MROH2B: variants seen among roughly 807,000 people sequenced by gnomAD.
The protein encoded by MROH2B is maestro heat-like repeat-containing protein family member 2B.
MROH2B carries 177 observed loss-of-function variants against 208.6 expected under a neutral mutation model. The ratio of observed to expected loss-of-function variants is 0.85; its 90% CI spans 0.75 to 0.96. The LOEUF is 0.96. MROH2B is among the 40% of genes least tolerant of loss of function. The probability of loss-of-function intolerance (pLI) is 0.00; values close to 1 mark genes in which losing one functional copy is unlikely to be tolerated. For missense variants in MROH2B, 2,002 were observed against 1,878.7 expected, an observed-to-expected ratio of 1.07 and a Z score of -1.21; for synonymous variants, 728 against 659.0, an observed-to-expected ratio of 1.10 and a Z score of -1.60.
At chr5:41,007,558 AC>A in intron 33 of MROH2B, 104 bp from the exon 34 acceptor site, 1 of 1,100,406 alleles carries the variant, frequency 9.1e-7, no homozygotes, top group Non-Finnish European at 1.2e-6. Context: ...CCACCCCTGG[AC>A]TAGGGGATGT....
chr5:41,065,221 T>G, intron 4 of MROH2B, 110 bp downstream of exon 4: 1 of 1,096,558 alleles, frequency 9.1e-7, no homozygotes, highest in South Asian at 1.7e-5. Context: ...TATTTCTTGG[T>G]ACAGAAGAAG....
chr5:41,022,168 G>C (rs1024504312), intron 24 of MROH2B, among the ~76,000 whole-genome samples: 2 of 152,168 alleles, frequency 1.3e-5, no homozygotes, highest in Admixed American at 6.5e-5. Flanking sequence ...TGAGGTACCA[G>C]GTACATCTCA....
At chr5:41,053,817 A>C (rs371854130) in intron 11 of MROH2B, among the ~76,000 whole-genome samples, 18 of 152,276 alleles carry the variant, frequency 1.2e-4, no homozygotes, top group African/African-American at 4.3e-4. Context: ...TTACTATTTT[A>C]AACATAGTCA....
At chr5:41,036,358 G>A (rs1317483126) in intron 21 of MROH2B, among the ~76,000 whole-genome samples, 3 of 152,100 alleles carry the variant, frequency 2.0e-5, no homozygotes, top group African/African-American at 7.2e-5. Flanking sequence ...CTCTTCTCTT[G>A]TCTGCTGCCA....
chr5:41,015,246 G>A, intron 29 of MROH2B, 135 bp downstream of exon 29: 1 of 702,712 alleles, frequency 1.4e-6, no homozygotes, highest in East Asian at 2.8e-5. Flanking sequence ...TGTACTCTAA[G>A]TTAGAAAATG....
In MROH2B at chr5:41,009,851, C is replaced by A. The variant is rs530855194; in HGVS notation, c.3293+71G>T. 5 of 1,471,534 alleles carry A rather than the reference C, an allele frequency of 3.4e-6. No homozygotes were observed. In the South Asian group the frequency reaches 4.4e-5, roughly 13 times the overall value. The allele number at this position is 1,471,534 out of a possible 1,614,324, so 91.2% of individuals were successfully genotyped here. A position where few individuals can be genotyped will look rare whatever the true frequency, so the allele number is the denominator to read the frequency against. On this transcript the variant is annotated intron_variant, in intron 31 of 41. Transcript: ENST00000399564. Reference sequence around the variant, plus strand: ...TTTGTTTGCTATCTTGCTCTCAAACCGTAAATCCCTCCCCAGTGCCTTTCA... The same window carrying A: ...TTTGTTTGCTATCTTGCTCTCAAACAGTAAATCCCTCCCCAGTGCCTTTCA...
intron 27 of MROH2B, 120 bp from the exon 28 acceptor site, chr5:41,018,090 A>G: frequency 7.4e-7 from 1 of 1,354,310 alleles, no homozygotes. Context: ...ATGAAATTTG[A>G]TCTTGCACTT....
intron 24 of MROH2B, among the ~76,000 whole-genome samples, chr5:41,022,589 G>T (rs1036576425): frequency 1.3e-5 from 2 of 152,204 alleles, no homozygotes; most frequent in African/African-American, 4.8e-5. Flanking sequence ...AGCTCAAGGA[G>T]GCCTGCCTGC....
Position 41,071,200 on chromosome 5 carries a change from G to T in MROH2B, c.-348C>A, listed in dbSNP as rs1052493486. 2 of 250,976 alleles carry T rather than the reference G, an allele frequency of 8.0e-6. No individual in the cohort carries two copies. Among genetic ancestry groups the T allele is most frequent in the African/African-American group, 2.2e-5 (1 of 44,926 alleles). The allele number at this position is 250,976 out of a possible 1,614,324, so 15.5% of individuals were successfully genotyped here. A position where few individuals can be genotyped will look rare whatever the true frequency, so the allele number is the denominator to read the frequency against. ...ATTCAAACCATTGTTGCAGACCAAAGGTGCTCCTCTCCCTAAACTTGAGTC... is the reference window on the plus strand; with the variant it reads ...ATTCAAACCATTGTTGCAGACCAAATGTGCTCCTCTCCCTAAACTTGAGTC... On this transcript the variant is annotated 5_prime_UTR_variant, in exon 1 of 42. Coordinates refer to ENST00000399564, the MANE Select transcript of MROH2B (RefSeq NM_173489.5).
chr5:41,006,766 A>T (rs1741606673), intron 34 of MROH2B, among the ~76,000 whole-genome samples: 1 of 152,172 alleles, frequency 6.6e-6, no homozygotes, highest in African/African-American at 2.4e-5. Flanking sequence ...GTTCTGTCTC[A>T]TATGTGGGAG....
intron 7 of MROH2B, among the ~76,000 whole-genome samples, chr5:41,057,822 G>A (rs1226882797): frequency 6.6e-6 from 1 of 151,774 alleles, no homozygotes; most frequent in African/African-American, 2.4e-5. Flanking sequence ...GCCTCGCAAA[G>A]TGCTGAAATT....
At chr5:41,052,326 T>A in intron 12 of MROH2B, 139 bp downstream of exon 12, 1 of 779,736 alleles carries the variant, frequency 1.3e-6, no homozygotes. Flanking sequence ...TTATTTTTAA[T>A]TTTTTTAAAA....
intron 6 of MROH2B, 140 bp downstream of exon 6, chr5:41,061,430 A>G: frequency 1.3e-6 from 1 of 745,920 alleles, no homozygotes; most frequent in Non-Finnish European, 2.0e-6. Flanking sequence ...GGTGGGAAAA[A>G]AGAAAAAATT....
At chr5:41,049,599 C>G (rs1743226581) in intron 13 of MROH2B, among the ~76,000 whole-genome samples, 163 bp from the exon 14 acceptor site, 1 of 152,212 alleles carries the variant, frequency 6.6e-6, no homozygotes, top group African/African-American at 2.4e-5. Flanking sequence ...CTCTGCACAG[C>G]ACATTGATTT....
intron 21 of MROH2B, 117 bp downstream of exon 21, chr5:41,038,619 G>T (rs1478592748): frequency 1.0e-6 from 1 of 974,370 alleles, no homozygotes; most frequent in East Asian, 2.6e-5. Flanking sequence ...CTGTTTTCAC[G>T]TGGCTGATAA....
chr5:41,069,756 A>C lies in MROH2B; in HGVS notation c.29-4T>G. ...AGGTTAATATCCCCAAACATCTCTA[A>C]AACGTACAGAAAAATATGAATTGAA... is the stretch of plus-strand genomic sequence containing the variant. On this transcript the variant is annotated splice_region_variant and splice_polypyrimidine_tract_variant and intron_variant, in intron 1 of 41. Transcript: ENST00000399564. The C allele has an allele frequency of 3.1e-6, 5 of 1,587,462 alleles. No homozygotes were observed. The highest frequency in any genetic ancestry group is 2.6e-6 in the Non-Finnish European group (3 of 1,160,350).
intron 4 of MROH2B, 63 bp from the exon 5 acceptor site, chr5:41,064,633 C>T: frequency 7.9e-7 from 1 of 1,268,454 alleles, no homozygotes; most frequent in East Asian, 2.4e-5. Flanking sequence ...GGTTCTGTGA[C>T]TCCAAATCAA....
chr5:41,028,713 G>A (rs1468357059), intron 24 of MROH2B, among the ~76,000 whole-genome samples: 15 of 152,008 alleles, frequency 9.9e-5, no homozygotes, highest in Admixed American at 9.8e-4. Flanking sequence ...TTCATTCATT[G>A]ACAGACACCT....
chr5:41,034,872 A>T (rs1742702081), intron 21 of MROH2B, among the ~76,000 whole-genome samples: 1 of 152,088 alleles, frequency 6.6e-6, no homozygotes. Context: ...AAAATGAAAT[A>T]CCTAGGGATA....
Sources: allele counts gnomAD v4.1 joint callset (sites outside exome capture counted in the v4.1 genomes callset), GRCh38; gene constraint gnomAD v4.1.1; transcripts MANE v1.5; gene names NCBI Gene and HGNC (gene_info 2026-07-23, HGNC 2026-07-21).